Variants in DMD observed in about 807,000 individuals in gnomAD.
The protein encoded by DMD is dystrophin, also known as mutant dystrophin.
DMD carries 63 observed loss-of-function variants against 330.1 expected under a neutral mutation model. The ratio of observed to expected loss-of-function variants is 0.19; its 90% CI spans 0.16 to 0.24. The LOEUF (loss-of-function observed/expected upper bound fraction) is 0.24, where lower values mean the gene tolerates loss of function less well. Ranked by LOEUF, DMD falls within the 10% of genes least tolerant of loss-of-function variation. The pLI is 1.00. For missense variants in DMD, 3,344 were observed against 2,684.1 expected (o/e 1.25, Z -5.43); for synonymous variants, 1,223 against 959.8 (o/e 1.27, Z -5.07).
At chrX:32,845,918 C>A (rs1434900761) in intron 3 of DMD, among the ~76,000 whole-genome samples, 1 of 112,264 alleles carries the variant, frequency 8.9e-6, no homozygotes, top group Non-Finnish European at 1.9e-5. Context: ...GAGAATTCGA[C>A]ATACTTTCTT....
At chrX:33,038,305 G>A in intron 1 of DMD, among the ~76,000 whole-genome samples, 1 of 111,987 alleles carries the variant, frequency 8.9e-6, no homozygotes, top group African/African-American at 3.2e-5. Flanking sequence ...TCATTATAAG[G>A]AGATGAAAGG....
intron 1 of DMD, among the ~76,000 whole-genome samples, chrX:33,129,277 ATGAT>A (rs1449528512): frequency 9.9e-6 from 1 of 100,777 alleles, no homozygotes; most frequent in African/African-American, 3.6e-5. Flanking sequence ...AGTTGTTAAA[ATGAT>A]TGAAGTTCAT....
At chrX:31,339,111 C>T (rs367773059) in intron 61 of DMD, among the ~76,000 whole-genome samples, 12 of 111,001 alleles carry the variant, frequency 1.1e-4, no homozygotes, top group African/African-American at 2.9e-4. Context: ...CCATTGTAAG[C>T]CAGCCCCAGC....
chrX:32,820,404 T>C (rs1310471671), intron 5 of DMD, among the ~76,000 whole-genome samples: 5 of 111,002 alleles, frequency 4.5e-5, no homozygotes, highest in African/African-American at 1.6e-4. Flanking sequence ...ATCGCGCCAC[T>C]GCACTCCAGC....
intron 1 of DMD, among the ~76,000 whole-genome samples, chrX:33,162,423 T>C (rs2148666055): frequency 9.0e-6 from 1 of 111,709 alleles, no homozygotes; most frequent in Non-Finnish European, 1.9e-5. Context: ...TCTTTGAAAG[T>C]TGAAAAAATA....
intron 48 of DMD, among the ~76,000 whole-genome samples, chrX:31,861,736 T>TACACACAC (rs753295784): frequency 0.087 from 6,688 of 76,773 alleles, 337 homozygotes; most frequent in African/African-American, 0.11. Flanking sequence ...AAGAGTGCTA[T>TACACACAC]ACACACACAC....
At chrX:32,614,745 T>G (rs1340599486) in intron 11 of DMD, among the ~76,000 whole-genome samples, 1 of 111,672 alleles carries the variant, frequency 9.0e-6, no homozygotes, top group East Asian at 2.8e-4. Flanking sequence ...TAGTATATTT[T>G]GGCAGTTGTT....
At chrX:31,262,987 C>T (rs1255048487) in intron 62 of DMD, among the ~76,000 whole-genome samples, 1 of 112,572 alleles carries the variant, frequency 8.9e-6, no homozygotes, top group Non-Finnish European at 1.9e-5. Context: ...AAAGGTCATC[C>T]AGATGTGATA....
intron 9 of DMD, among the ~76,000 whole-genome samples, chrX:32,687,429 G>A (rs749512342): frequency 9.0e-6 from 1 of 111,699 alleles, no homozygotes; most frequent in African/African-American, 3.2e-5. Context: ...TCTGCCCCTT[G>A]ACTAGGATGG....
intron 55 of DMD, among the ~76,000 whole-genome samples, chrX:31,545,909 C>G (rs1464386221): frequency 8.9e-6 from 1 of 112,132 alleles, no homozygotes; most frequent in Admixed American, 9.5e-5. Flanking sequence ...CATTAATCTT[C>G]ACTGCGGATA....
intron 54 of DMD, among the ~76,000 whole-genome samples, chrX:31,639,218 T>G (rs2079587981): frequency 1.8e-5 from 2 of 111,599 alleles, no homozygotes; most frequent in African/African-American, 3.3e-5. Context: ...GGAGGACATT[T>G]GACTATCACA....
intron 22 of DMD, 35 bp from the exon 23 acceptor site, chrX:32,468,745 T>C: frequency 4.6e-6 from 5 of 1,080,961 alleles, no homozygotes; most frequent in Non-Finnish European, 6.4e-6. Context: ...TTTACCCTAA[T>C]TGATGAATAA....
At chrX:33,160,430 A>C (rs182605308) in intron 1 of DMD, among the ~76,000 whole-genome samples, 17 of 111,622 alleles carry the variant, frequency 1.5e-4, no homozygotes, top group African/African-American at 4.9e-4. Context: ...CAATCCCATG[A>C]GTGTGTCTTG....
At chrX:32,229,649 C>CAT (rs550544963) in intron 43 of DMD, among the ~76,000 whole-genome samples, 1,114 of 61,158 alleles carry the variant, frequency 0.018, 18 homozygotes, top group East Asian at 0.072. Context: ...ACATATTTTA[C>CAT]ATATATATAT....
chrX:31,289,899 TTTATTATTATTATTATTATTA>T (rs200740564), intron 62 of DMD, among the ~76,000 whole-genome samples: 1 of 93,572 alleles, frequency 1.1e-5, no homozygotes, highest in Non-Finnish European at 2.1e-5. Flanking sequence ...TATTATTCTG[TTTATTATTATTATTATTATTA>T]TTATTATTAT....
chrX:32,467,799 A>T (rs929874980), intron 23 of DMD, among the ~76,000 whole-genome samples: 1 of 109,658 alleles, frequency 9.1e-6, no homozygotes. Flanking sequence ...ACAGAGATTA[A>T]TTCTGAACTT....
intron 63 of DMD, among the ~76,000 whole-genome samples, chrX:31,240,581 T>C (rs1376660050): frequency 9.0e-6 from 1 of 111,704 alleles, no homozygotes; most frequent in Non-Finnish European, 1.9e-5. Context: ...AGTACTATTG[T>C]ACAATGGAAA....
At chrX:31,572,096 A>C in intron 55 of DMD, among the ~76,000 whole-genome samples, 1 of 111,317 alleles carries the variant, frequency 9.0e-6, no homozygotes, top group Non-Finnish European at 1.9e-5. Flanking sequence ...CGGTTTGCCT[A>C]TGTAATAAAC....
At chrX:31,481,333 G>A (rs141646508) in intron 57 of DMD, among the ~76,000 whole-genome samples, 1,599 of 111,842 alleles carry the variant, frequency 0.014, 26 homozygotes, top group African/African-American at 0.05. Context: ...TAAATACAGA[G>A]TATGTATTTG....
Sources: allele counts gnomAD v4.1 joint callset (sites outside exome capture counted in the v4.1 genomes callset), GRCh38; gene constraint gnomAD v4.1.1; transcripts MANE v1.5; gene names NCBI Gene and HGNC (gene_info 2026-07-23, HGNC 2026-07-21).